ZNF227: variants seen among roughly 807,000 people sequenced by gnomAD.
The protein encoded by ZNF227 is zinc finger protein 227.
Under a neutral mutation model 13.2 loss-of-function variants are expected in ZNF227, and 12 were observed. That is an observed-to-expected ratio of 0.91 (90% CI 0.58 to 1.47). The LOEUF is 1.47. Among genes scored for constraint, ZNF227 ranks in the 40% most tolerant of loss-of-function variants. ZNF227 has a pLI of 0.00. For synonymous variants in ZNF227, 338 were observed against 326.0 expected (o/e 1.04, Z -0.40); for missense variants, 885 against 967.5 (o/e 0.91, Z 1.13).
At chr19:44,234,621 C>T (rs1338392825) in intron 5 of ZNF227, 81 bp from the exon 6 acceptor site, 2 of 1,311,084 alleles carry the variant, frequency 1.5e-6, no homozygotes, top group East Asian at 4.9e-5. Context: ...CTCCCATGGC[C>T]TAAGTGTGAA....
At chr19:44,225,857 C>T (rs552602251) in intron 3 of ZNF227, among the ~76,000 whole-genome samples, 24 of 152,238 alleles carry the variant, frequency 1.6e-4, no homozygotes, top group African/African-American at 5.8e-4. Context: ...TTAGAGTTTC[C>T]AGTTTTTCTG....
At chr19:44,230,636 C>T (rs905369932) in intron 5 of ZNF227, among the ~76,000 whole-genome samples, 8 of 152,160 alleles carry the variant, frequency 5.3e-5, no homozygotes, top group Non-Finnish European at 5.9e-5. Flanking sequence ...AATGTTATAT[C>T]ATTAGAGAGG....
intron 2 of ZNF227, among the ~76,000 whole-genome samples, chr19:44,216,980 T>TTTTA (rs1971956572): frequency 8.4e-6 from 1 of 119,608 alleles, no homozygotes; most frequent in African/African-American, 3.1e-5. Context: ...TTTTTTTTTT[T>TTTTA]GAGACAGAGT....
Position 44,236,587 on chromosome 19 carries a change from G to A in ZNF227, c.2157G>A (p.Glu719=). The change falls in exon 6 of 6, where the codon GAG becomes GAA. Residue 719 remains glutamate (E), a synonymous_variant. Transcript: ENST00000313040. ...CGGGAGAGAAACCCCATATATGTGA[G>A]GAGTGTGGTAAGGCCTTCAGTCTCC... ...VHTGEKPHIC[E]ECGKAFSLPS... The A allele has an allele frequency of 2.5e-6, 4 of 1,613,884 alleles. No homozygotes were observed. The highest frequency in any genetic ancestry group is 1.1e-5 in the South Asian group (1 of 91,062).
chr19:44,230,926 A>AAATATATAT (rs1555792168), intron 5 of ZNF227, among the ~76,000 whole-genome samples: 1 of 68,116 alleles, frequency 1.5e-5, no homozygotes, highest in African/African-American at 9.8e-5. Flanking sequence ...AAAAAAAAAA[A>AAATATATAT]ATATATATAT....
intron 4 of ZNF227, 161 bp downstream of exon 4, chr19:44,228,733 G>A (rs1300220287): frequency 1.1e-6 from 1 of 884,864 alleles, no homozygotes; most frequent in Non-Finnish European, 1.6e-6. Context: ...TGGTCTTTCT[G>A]CTCAGGCAAA....
Position 44,234,699 on chromosome 19 carries a change from T to C in ZNF227, c.272-3T>C. ...AAATATTGCCTTTTTTCTTTTTTAA[T>C]AGGCAGCAAGCATCAAAATAAGATG... On this transcript the variant is annotated splice_polypyrimidine_tract_variant and splice_region_variant and intron_variant, in intron 5 of 5. Coordinates refer to ENST00000313040, the MANE Select transcript of ZNF227 (RefSeq NM_182490.3). 1 of 1,567,466 alleles carries C rather than the reference T, an allele frequency of 6.4e-7. No individual in the cohort carries two copies. Among genetic ancestry groups the C allele is most frequent in the East Asian group, 2.2e-5 (1 of 44,616 alleles).
intron 5 of ZNF227, among the ~76,000 whole-genome samples, chr19:44,232,490 A>G (rs1464417446): frequency 6.6e-6 from 1 of 152,144 alleles, no homozygotes; most frequent in Non-Finnish European, 1.5e-5. Context: ...CAGTTTTATT[A>G]TAGCAAAAAA....
chr19:44,208,550 G>C (rs1200187647), upstream of ZNF227, among the ~76,000 whole-genome samples: 1 of 152,108 alleles, frequency 6.6e-6, no homozygotes, highest in African/African-American at 2.4e-5. Context: ...ATTTACATGC[G>C]TATCAAAAGG....
chr19:44,228,369 CTT>C, intron 3 of ZNF227, 75 bp from the exon 4 acceptor site: 1 of 1,531,516 alleles, frequency 6.5e-7, no homozygotes. Flanking sequence ...TTGTGGTGCT[CTT>C]TTCCTTCTTG....
intron 2 of ZNF227, among the ~76,000 whole-genome samples, chr19:44,215,120 A>G (rs1052597256): frequency 6.6e-6 from 1 of 151,746 alleles, no homozygotes; most frequent in Non-Finnish European, 1.5e-5. Context: ...CCCTGGTGCC[A>G]AAAAGGCTGC....
At position 44,236,269 on chromosome 19, in the gene ZNF227, C is replaced by T; in HGVS notation, c.1839C>T (p.Phe613=). 2 of 1,613,930 alleles carry T rather than the reference C, an allele frequency of 1.2e-6. No homozygotes were observed. The highest frequency in any genetic ancestry group is 1.7e-6 in the Non-Finnish European group (2 of 1,179,956). Residue 613 remains phenylalanine, a synonymous_variant, in exon 6 of 6, where the codon TTC becomes TTT. Coordinates refer to ENST00000313040, the MANE Select transcript of ZNF227 (RefSeq NM_182490.3). ...AATGTGAGCAGTGTGATAAGAGCTT[C>T]AGTCAGGCCATAGATTTTCGGGTAC... ...PYKCEQCDKS[F]SQAIDFRVHQ...
At chr19:44,212,362 C>T (rs1971418191), upstream of ZNF227, among the ~76,000 whole-genome samples, 1 of 141,974 alleles carries the variant, frequency 7.0e-6, no homozygotes, top group Non-Finnish European at 1.5e-5. Flanking sequence ...CACTCGCTCG[C>T]TCCGTTTTTT....
In ZNF227 at chr19:44,217,787, C is replaced by T; in HGVS notation, c.-2-4C>T. ...TGTCTCATGGCGTCTTTGGTCTCCC[C>T]CAGTTATGCCATCTCAGAACTATGA... On this transcript the variant is annotated splice_polypyrimidine_tract_variant and splice_region_variant and intron_variant, in intron 2 of 5. Transcript: ENST00000313040. The T allele has an allele frequency of 1.9e-6, 3 of 1,614,188 alleles. No individual in the cohort carries two copies. Among genetic ancestry groups the T allele is most frequent in the Non-Finnish European group, 2.5e-6 (3 of 1,180,032 alleles).
At chr19:44,212,616 C>G (rs1037028600) in intron 1 of ZNF227, 31 bp downstream of exon 1, 1 of 152,142 alleles carries the variant, frequency 6.6e-6, no homozygotes, top group Middle Eastern at 3.2e-3. Flanking sequence ...CACGACCCCT[C>G]TTGAACCTTT....
chr19:44,216,789 G>T (rs1054545434), intron 2 of ZNF227, among the ~76,000 whole-genome samples: 7 of 152,058 alleles, frequency 4.6e-5, no homozygotes, highest in African/African-American at 1.5e-4. Flanking sequence ...GACCCAGAAT[G>T]ATACGTTTTA....
intron 5 of ZNF227, among the ~76,000 whole-genome samples, chr19:44,231,924 AT>A (rs1568611185): frequency 7.9e-4 from 120 of 152,340 alleles, no homozygotes; most frequent in African/African-American, 2.6e-3. Context: ...GGCAGGTATT[AT>A]AGTTCATCAG....
chr19:44,229,370 G>A (rs918759479), intron 4 of ZNF227, among the ~76,000 whole-genome samples: 8 of 152,160 alleles, frequency 5.3e-5, no homozygotes, highest in Admixed American at 5.2e-4. Context: ...GCAGCAATAC[G>A]GGAGGCCAGG....
intron 5 of ZNF227, 121 bp downstream of exon 5, chr19:44,229,937 G>A (rs1003978694): frequency 3.7e-6 from 2 of 543,022 alleles, no homozygotes; most frequent in Admixed American, 7.9e-5. Context: ...TATAACAATA[G>A]CTTCCATGCT....
Sources: gnomAD v4.1 joint callset for allele counts (sites outside exome capture counted in the v4.1 genomes callset) on GRCh38, gnomAD v4.1.1 for gene constraint, MANE v1.5 for transcripts, NCBI Gene and HGNC (gene_info 2026-07-23, HGNC 2026-07-21) for gene names.